GRK1: variants seen among roughly 807,000 people sequenced by gnomAD.
GRK1 encodes the protein rhodopsin kinase GRK1.
Under a neutral mutation model 41.7 loss-of-function variants are expected in GRK1, and 28 were observed. That is an observed-to-expected ratio of 0.67 (90% confidence interval 0.50 to 0.92). The LOEUF is 0.92. Ranked by LOEUF, GRK1 falls within the 40% of genes least tolerant of loss-of-function variation. GRK1 has a pLI of 0.00. For missense variants in GRK1, 703 were observed against 671.2 expected (o/e 1.05, Z -0.52); for synonymous variants, 327 against 286.7 (o/e 1.14, Z -1.42).
the GRK1 span, among the ~76,000 whole-genome samples, chr13:113,651,989 GA>G: frequency 7.2e-5 from 11 of 152,220 alleles, no homozygotes; most frequent in African/African-American, 2.4e-4. Flanking sequence ...CGGCTGGCAG[GA>G]GGCAGAGCTG....
Position 113,731,249 on chromosome 13 carries a change from A to G in GRK1, c.1100A>G (p.Glu367Gly). 1.3e-6 allele frequency: 2 copies of G among 1,537,010 alleles called. No homozygotes were observed. Among genetic ancestry groups the G allele is most frequent in the Non-Finnish European group, 1.7e-6 (2 of 1,146,810 alleles). ...GFMAPELLQG[E>G]EYDFSVDYFA... ...ATGGCCCCCGAGCTCCTGCAGGGCG[A>G]GGAGTACGACTTCTCCGTGGACTAC... is the stretch of plus-strand genomic sequence containing the variant. The change falls in exon 5 of 7, where the codon GAG becomes GGG. Residue 367 changes from glutamate to glycine, a missense_variant. Physicochemically the swap from Glu to Gly is moderately conservative, Grantham distance 98. Coordinates refer to ENST00000335678, the MANE Select transcript of GRK1 (RefSeq NM_002929.3). The surrounding 1 kb of genome is among the most constrained non-coding windows in gnomAD (Gnocchi z 5.6).
chr13:113,653,297 C>T, the GRK1 span: 3 of 1,609,586 alleles, frequency 1.9e-6, no homozygotes, highest in East Asian at 4.5e-5. Flanking sequence ...CGCTTCACAC[C>T]TCACCTGCCG....
the GRK1 span, chr13:113,654,753 A>G: frequency 6.4e-7 from 1 of 1,574,586 alleles, no homozygotes; most frequent in South Asian, 1.2e-5. Context: ...GCGTCTCCAG[A>G]GCCGAGGAGG....
At chr13:113,655,309 T>C in the GRK1 span, among the ~76,000 whole-genome samples, 1 of 151,964 alleles carries the variant, frequency 6.6e-6, no homozygotes, top group Non-Finnish European at 1.5e-5. Flanking sequence ...GGAGTTATGG[T>C]TCCCCCATCA....
chr13:113,733,880 T>TGC lies in GRK1; in HGVS notation c.1396+795_1396+796insGC, dbSNP rs755020037. Reference sequence around the variant, plus strand: ...GTGCATACGTGTGTGCGTGTGTGCATACGTGTGTGCGTGTGTGTATGTGTG... The same window carrying TGC: ...GTGCATACGTGTGTGCGTGTGTGCATGCACGTGTGTGCGTGTGTGTATGTGTG... On this transcript the variant is annotated intron_variant, in intron 6 of 6. Coordinates refer to ENST00000335678, the MANE Select transcript of GRK1 (RefSeq NM_002929.3). Among the ~76,000 whole-genome samples, 646 of 88,424 alleles carry TGC rather than the reference T, an allele frequency of 7.3e-3. 17 individuals carry two copies. Among genetic ancestry groups the TGC allele is most frequent in the African/African-American group, 0.039 (580 of 15,042 alleles). 58.0% of individuals were successfully genotyped at this position (88,424 alleles called of 152,430 possible).
chr13:113,733,706 TGTGTGCGC>T (rs1187836318), intron 6 of GRK1, among the ~76,000 whole-genome samples: 2 of 121,342 alleles, frequency 1.6e-5, no homozygotes, highest in African/African-American at 3.1e-5. Context: ...CATGTGTGCG[TGTGTGCGC>T]ACGTGTGTGT....
At chr13:113,660,931 C>T in the GRK1 span, among the ~76,000 whole-genome samples, 2 of 152,204 alleles carry the variant, frequency 1.3e-5, no homozygotes, top group Non-Finnish European at 2.9e-5. Context: ...TCTCAACACT[C>T]CTCTCTTAAC....
chr13:113,653,045 C>T, the GRK1 span: 2 of 1,612,614 alleles, frequency 1.2e-6, no homozygotes, highest in Non-Finnish European at 1.7e-6. Flanking sequence ...GCAGTTGATG[C>T]TGTCCTCCTG....
At chr13:113,669,635 C>A in intron 1 of GRK1, 52 bp from the exon 2 acceptor site, 2 of 1,611,514 alleles carry the variant, frequency 1.2e-6, no homozygotes, top group Non-Finnish European at 1.7e-6. Flanking sequence ...TGCGATGCAC[C>A]TAGTCCCTTT....
chr13:113,653,688 C>G, the GRK1 span, among the ~76,000 whole-genome samples: 2 of 152,352 alleles, frequency 1.3e-5, no homozygotes, highest in African/African-American at 4.8e-5. Flanking sequence ...GTGGCTGGCT[C>G]TCTCCACCGG....
the GRK1 span, among the ~76,000 whole-genome samples, chr13:113,651,266 C>T: frequency 3.9e-5 from 6 of 152,338 alleles, no homozygotes; most frequent in Middle Eastern, 3.4e-3. Flanking sequence ...AGCCTGAGAT[C>T]GATGCCAACT....
At chr13:113,727,984 G>A (rs2049902747) in intron 4 of GRK1, among the ~76,000 whole-genome samples, 2 of 85,300 alleles carry the variant, frequency 2.3e-5, no homozygotes, top group African/African-American at 6.4e-5. Context: ...GCGATGAGGA[G>A]TACCCATGGC....
chr13:113,656,324 G>T, the GRK1 span, among the ~76,000 whole-genome samples: 2 of 152,184 alleles, frequency 1.3e-5, no homozygotes, highest in African/African-American at 4.8e-5. Flanking sequence ...GGTCCTGTGG[G>T]TCTGCTCTGG....
Position 113,737,248 on chromosome 13 carries a change from G to T in GRK1, c.*1885G>T, listed in dbSNP as rs1039969081. 3.3e-5 allele frequency: 5 copies of T among 152,156 alleles called. No homozygotes were observed. Among genetic ancestry groups the T allele is most frequent in the Non-Finnish European group, 5.8e-5 (4 of 68,392 alleles). The allele number at this position is 152,156 out of a possible 1,614,324, so 9.4% of individuals were successfully genotyped here. On this transcript the variant is annotated 3_prime_UTR_variant, in exon 7 of 7. Transcript: ENST00000335678. ...ACGTCTTCCCACAGATCCTAAGTCG[G>T]CCACACCCTGGGTGAGGAGCACGTC... is the stretch of plus-strand genomic sequence containing the variant.
intron 4 of GRK1, among the ~76,000 whole-genome samples, chr13:113,729,717 C>T (rs533973788): frequency 2.0e-5 from 3 of 152,314 alleles, no homozygotes; most frequent in African/African-American, 7.2e-5. Flanking sequence ...GCCCTCTGTC[C>T]TGTGACGGTC....
rs2049935629 is a variant in GRK1, at chr13:113,731,297, A to G, written c.1148A>G (p.Tyr383Cys). ...TACTTTGCCCTGGGGGTCACCCTGT[A>G]TGAGATGATTGCGGCCAGAGGACCC... is the stretch of plus-strand genomic sequence containing the variant. Reference protein sequence around the residue: ...VDYFALGVTLYEMIAARGPFR... With the variant: ...VDYFALGVTLCEMIAARGPFR... Residue 383 changes from tyrosine (Y) to cysteine (C), a missense_variant, in exon 5 of 7, where the codon TAT (tyrosine) becomes TGT (cysteine). Coordinates refer to ENST00000335678, the MANE Select transcript of GRK1 (RefSeq NM_002929.3). The surrounding 1 kb of genome is among the most constrained non-coding windows in gnomAD (Gnocchi z 5.6). The G allele has an allele frequency of 6.5e-7, 1 of 1,536,992 alleles. No individual in the cohort carries two copies. The highest frequency in any genetic ancestry group is 1.2e-5 in the South Asian group (1 of 84,048).
chr13:113,664,055 G>A (rs2049803800), upstream of GRK1, among the ~76,000 whole-genome samples: 1 of 152,196 alleles, frequency 6.6e-6, no homozygotes, highest in Non-Finnish European at 1.5e-5. This position sits in a 1 kb window ranked among gnomAD's most constrained non-coding sequence, Gnocchi z 5.4. Context: ...AACGGACTGT[G>A]GCACTCTCCT....
intron 6 of GRK1, among the ~76,000 whole-genome samples, chr13:113,733,897 G>GCA (rs752943988): frequency 8.7e-6 from 1 of 115,510 alleles, no homozygotes; most frequent in Non-Finnish European, 1.6e-5. Context: ...GTGCGTGTGT[G>GCA]TATGTGTGCA....
the GRK1 span, among the ~76,000 whole-genome samples, chr13:113,661,943 AG>A: frequency 6.6e-6 from 1 of 152,246 alleles, no homozygotes; most frequent in African/African-American, 2.4e-5. Context: ...GGAAAATAGA[AG>A]AAGAGGAAAT....
Sources: allele counts gnomAD v4.1 joint callset (sites outside exome capture counted in the v4.1 genomes callset), GRCh38; gene constraint gnomAD v4.1.1; non-coding constraint Gnocchi (gnomAD v3.1); transcripts MANE v1.5; gene names NCBI Gene and HGNC (gene_info 2026-07-23, HGNC 2026-07-21).